The following RSPO4 variants were observed in gnomAD, a reference collection of about 807,000 sequenced individuals.
RSPO4 encodes R-spondin-4.
Under a neutral mutation model 24.8 loss-of-function variants are expected in RSPO4, and 23 were observed. That is an observed-to-expected ratio of 0.93 (90% CI 0.67 to 1.31). The LOEUF (loss-of-function observed/expected upper bound fraction) is 1.31, where lower values mean the gene tolerates loss of function less well. Among genes scored for constraint, RSPO4 ranks in the 40% most tolerant of loss-of-function variants. RSPO4 has a pLI of 0.00. For synonymous variants in RSPO4, 141 were observed against 127.4 expected, an observed-to-expected ratio of 1.11 and a Z score of -0.72; for missense variants, 333 against 316.5, an observed-to-expected ratio of 1.05 and a Z score of -0.39.
chr20:978,092 G>A (rs1208403352), intron 1 of RSPO4, among the ~76,000 whole-genome samples: 3 of 152,172 alleles, frequency 2.0e-5, no homozygotes, highest in Non-Finnish European at 4.4e-5. Flanking sequence ...CTGGGATCAG[G>A]GCTAGAGGTC....
At chr20:992,767 G>A (rs558337703) in intron 1 of RSPO4, among the ~76,000 whole-genome samples, 6 of 152,256 alleles carry the variant, frequency 3.9e-5, no homozygotes, top group East Asian at 1.9e-4. Flanking sequence ...CACTCCCTGC[G>A]TGGCACCAGG....
At chr20:995,323 A>C (rs1413797668) in intron 1 of RSPO4, among the ~76,000 whole-genome samples, 1 of 152,096 alleles carries the variant, frequency 6.6e-6, no homozygotes, top group Non-Finnish European at 1.5e-5. Flanking sequence ...AATTAAGAAG[A>C]CCCAGCTCAC....
chr20:999,727 T>A (rs928051865), intron 1 of RSPO4, among the ~76,000 whole-genome samples: 1 of 152,010 alleles, frequency 6.6e-6, no homozygotes, highest in African/African-American at 2.4e-5. Flanking sequence ...ACCTCCTCAC[T>A]GAGCTCCTGG....
intron 1 of RSPO4, among the ~76,000 whole-genome samples, chr20:978,696 A>G (rs4816116): frequency 0.33 from 49,906 of 151,944 alleles, 12,892 homozygotes; most frequent in African/African-American, 0.71. Context: ...GTGGGAGTGA[A>G]AGTCCAGAGA....
intron 1 of RSPO4, among the ~76,000 whole-genome samples, chr20:988,061 C>T (rs1192933884): frequency 2.0e-5 from 3 of 152,138 alleles, no homozygotes; most frequent in East Asian, 1.9e-4. Flanking sequence ...CTGAGATACA[C>T]AAGAAAGCAC....
intron 1 of RSPO4, among the ~76,000 whole-genome samples, chr20:987,264 C>A (rs73571657): frequency 0.02 from 3,001 of 152,288 alleles, 101 homozygotes; most frequent in African/African-American, 0.068. Flanking sequence ...CATTGCTGCA[C>A]CCTGCTCTGG....
At chr20:965,092 A>G (rs1346175969) in intron 3 of RSPO4, among the ~76,000 whole-genome samples, 5 of 152,126 alleles carry the variant, frequency 3.3e-5, no homozygotes, top group Non-Finnish European at 7.4e-5. Flanking sequence ...CTGGGTGCTG[A>G]GGGAGCAGCA....
At chr20:967,534 G>C (rs146194786) in intron 2 of RSPO4, among the ~76,000 whole-genome samples, 10 of 152,204 alleles carry the variant, frequency 6.6e-5, no homozygotes, top group African/African-American at 2.2e-4. Flanking sequence ...CAGAGAGAGC[G>C]AGTGACTTGC....
chr20:962,128 A>G (rs960473320), intron 4 of RSPO4, among the ~76,000 whole-genome samples: 1 of 152,242 alleles, frequency 6.6e-6, no homozygotes, highest in African/African-American at 2.4e-5. Flanking sequence ...CAAGGCAGAT[A>G]AAGCCCTTGC....
chr20:997,155 G>A (rs1033292979), intron 1 of RSPO4, among the ~76,000 whole-genome samples: 4 of 152,176 alleles, frequency 2.6e-5, no homozygotes, highest in Non-Finnish European at 5.9e-5. Context: ...GTGAGGACGC[G>A]CAGCCCCACC....
intron 1 of RSPO4, among the ~76,000 whole-genome samples, chr20:986,943 T>C (rs919149594): frequency 1.3e-5 from 2 of 152,082 alleles, no homozygotes; most frequent in Non-Finnish European, 2.9e-5. Context: ...AAGAATGAAA[T>C]ACCACCATGA....
chr20:990,729 C>A (rs1023431713), intron 1 of RSPO4, among the ~76,000 whole-genome samples: 1 of 152,132 alleles, frequency 6.6e-6, no homozygotes, highest in Non-Finnish European at 1.5e-5. Flanking sequence ...GGATTTTGAG[C>A]CCCTGTGGGG....
intron 1 of RSPO4, among the ~76,000 whole-genome samples, chr20:1,001,673 C>A (rs1288217924): frequency 3.3e-5 from 5 of 152,148 alleles, no homozygotes; most frequent in Admixed American, 3.3e-4. Context: ...TCTGGACGCC[C>A]AGCCCAAGGC....
At chr20:971,612 G>A (rs1984409230) in intron 1 of RSPO4, among the ~76,000 whole-genome samples, 1 of 152,106 alleles carries the variant, frequency 6.6e-6, no homozygotes, top group Admixed American at 6.5e-5. Flanking sequence ...AAAGCAAGGT[G>A]CACGATGAAT....
Position 1,002,137 on chromosome 20 carries a change from G to A in RSPO4, c.28C>T (p.Leu10Phe). ...AGCATGTCCACGGCGTGGGCGACGA[G>A]CAGGAGCAGGCAGAGTGGCGCCCGC... MRAPLCLLL[L>F]VAHAVDMLAL... is the part of the protein sequence containing the mutation. Residue 10 changes from leucine (L) to phenylalanine (F), a missense_variant, in exon 1 of 5, where the codon CTC becomes TTC. Coordinates refer to ENST00000217260, the MANE Select transcript of RSPO4 (RefSeq NM_001029871.4). The surrounding 1 kb of genome is among the most constrained non-coding windows in gnomAD (Gnocchi z 4.6). The A allele has an allele frequency of 6.4e-7, 1 of 1,562,688 alleles. No homozygotes were observed. The highest frequency in any genetic ancestry group is 1.2e-5 in the South Asian group (1 of 85,140).
chr20:968,572 T>C (rs1190333355), intron 1 of RSPO4, among the ~76,000 whole-genome samples: 1 of 152,172 alleles, frequency 6.6e-6, no homozygotes, highest in African/African-American at 2.4e-5. Flanking sequence ...TGTAGACTGT[T>C]ACATGAGAGA....
At chr20:998,633 A>G (rs1228423492) in intron 1 of RSPO4, among the ~76,000 whole-genome samples, 1 of 152,114 alleles carries the variant, frequency 6.6e-6, no homozygotes, top group African/African-American at 2.4e-5. Context: ...AGACCTGGCC[A>G]AACGCTAAGG....
chr20:968,949 C>T (rs530001527), intron 1 of RSPO4, among the ~76,000 whole-genome samples: 1 of 152,342 alleles, frequency 6.6e-6, no homozygotes, highest in Admixed American at 6.5e-5. Context: ...TAAGGAGTCT[C>T]TGTTACCCTG....
intron 3 of RSPO4, among the ~76,000 whole-genome samples, chr20:964,451 C>T (rs148628828): frequency 7.1e-4 from 108 of 152,044 alleles, no homozygotes; most frequent in African/African-American, 2.5e-3. Context: ...TGTGCAAAGC[C>T]TTGGGAGCCC....
Sources: gnomAD v4.1 joint callset for allele counts (sites outside exome capture counted in the v4.1 genomes callset) on GRCh38, gnomAD v4.1.1 for gene constraint, Gnocchi (gnomAD v3.1) non-coding constraint, MANE v1.5 for transcripts, NCBI Gene and HGNC (gene_info 2026-07-23, HGNC 2026-07-21) for gene names.